Variants in MYBPC1 observed in about 807,000 individuals in gnomAD.
MYBPC1 encodes the protein myosin binding protein C1, also known as myosin-binding protein C, slow-type.
A neutral mutation model predicts 147.1 loss-of-function variants in MYBPC1; 52 were observed. The ratio of observed to expected loss-of-function variants is 0.35; its 90% confidence interval spans 0.28 to 0.45. MYBPC1 has a LOEUF of 0.45. Among genes scored for constraint, MYBPC1 ranks in the 20% least tolerant of loss-of-function variants. The pLI is 1.00. For synonymous variants in MYBPC1, 477 were observed against 475.9 expected (o/e 1.00, Z -0.03); for missense variants, 1,228 against 1,440.3 (o/e 0.85, Z 2.39).
intron 23 of MYBPC1, chr12:101,669,943 A>AG: frequency 2.9e-6 from 1 of 350,816 alleles, no homozygotes; most frequent in Non-Finnish European, 5.4e-6. Context: ...AAAAAAAGAA[A>AG]AAAAAAAAGA....
At chr12:101,686,761 T>C (rs1238538221), downstream of MYBPC1, among the ~76,000 whole-genome samples, 1 of 152,190 alleles carries the variant, frequency 6.6e-6, no homozygotes, top group Non-Finnish European at 1.5e-5. Context: ...TTTCCAGATT[T>C]TAGCTGGGAA....
chr12:101,617,389 G>A, intron 3 of MYBPC1, 146 bp downstream of exon 3: 1 of 792,442 alleles, frequency 1.3e-6, no homozygotes, highest in Non-Finnish European at 2.1e-6. Context: ...GTCCCAATCA[G>A]TATAATGACA....
Position 101,685,641 on chromosome 12 carries a change from T to C in MYBPC1, c.*79T>C, listed in dbSNP as rs1230446643. On this transcript the variant is annotated 3_prime_UTR_variant, in exon 32 of 32. Transcript: ENST00000361466. ...CGTACCTCCAAACATAATTGATTCGTATCTGCGAGACTTACACTCAAGCAA... is the reference window on the plus strand; with the variant it reads ...CGTACCTCCAAACATAATTGATTCGCATCTGCGAGACTTACACTCAAGCAA... 1.3e-6 allele frequency: 2 copies of C among 1,533,992 alleles called. No homozygotes were observed. Among genetic ancestry groups the C allele is most frequent in the East Asian group, 2.4e-5 (1 of 40,882 alleles).
chr12:101,617,242 A>C lies in MYBPC1; in HGVS notation c.102A>C (p.Lys34Asn). Residue 34 changes from lysine (K) to asparagine (N), a missense_variant and splice_region_variant, in exon 3 of 32, where the codon AAA (lysine) becomes AAC (asparagine). This residue lies in a region of MYBPC1 where 151 missense variants were observed against 126.1 expected (regional missense o/e 1.20). Coordinates refer to ENST00000361466, the MANE Select transcript of MYBPC1 (RefSeq NM_002465.4). ...KEKEAGTTPA[K>N]DEEEVSPPSA... Reference sequence around the variant, plus strand: ...AGGAGGCCGGAACTACACCAGCAAAAGGTGAGTTGGAGGGAGGGAGAGTGA... The same window carrying C: ...AGGAGGCCGGAACTACACCAGCAAACGGTGAGTTGGAGGGAGGGAGAGTGA... 1 of 1,613,822 alleles carries C rather than the reference A, an allele frequency of 6.2e-7. No individual in the cohort carries two copies. The highest frequency in any genetic ancestry group is 8.5e-7 in the Non-Finnish European group (1 of 1,179,824).
chr12:101,629,505 T>A lies in MYBPC1; in HGVS notation c.250T>A (p.Leu84Met). Residue 84 changes from leucine to methionine, a missense_variant, in exon 6 of 32, where the codon TTG becomes ATG. Physicochemically the swap from Leu to Met is conservative, Grantham distance 15. Around this residue, in one of 2 missense-constraint regions of MYBPC1, gnomAD observed 151 missense variants for 126.1 expected, o/e 1.20. Coordinates refer to ENST00000361466, the MANE Select transcript of MYBPC1 (RefSeq NM_002465.4). ...GAATGCCAACTCCCAGCTGTCCATC[T>A]TGTTCATTGAAAAACCTCAAGGAGG... ...KQNANSQLSILFIEKPQGGTV... is the reference protein window; with the variant it reads ...KQNANSQLSIMFIEKPQGGTV... 1.2e-6 allele frequency: 2 copies of A among 1,614,004 alleles called. No homozygotes were observed. The highest frequency in any genetic ancestry group is 2.2e-5 in the South Asian group (2 of 91,080).
At chr12:101,676,026 T>C (rs1263785) in intron 26 of MYBPC1, among the ~76,000 whole-genome samples, 47,111 of 152,128 alleles carry the variant, frequency 0.31, 7,900 homozygotes, top group African/African-American at 0.44. Context: ...CAACCCAGGA[T>C]GGCTTTGAAT....
Position 101,662,351 on chromosome 12 carries a change from C to T in MYBPC1, c.2033-7C>T. On this transcript the variant is annotated splice_region_variant and splice_polypyrimidine_tract_variant and intron_variant, in intron 20 of 31. Coordinates refer to ENST00000361466, the MANE Select transcript of MYBPC1 (RefSeq NM_002465.4). ...AAAACCTTAGTTTTCATTTTGCATA[C>T]CTGCAGGATATTTTATTGAGAGGAA... 2 of 1,613,908 alleles carry T rather than the reference C, an allele frequency of 1.2e-6. No homozygotes were observed. Among genetic ancestry groups the T allele is most frequent in the Non-Finnish European group, 1.7e-6 (2 of 1,179,898 alleles).
At chr12:101,677,102 C>T (rs753355324) in intron 26 of MYBPC1, 133 bp from the exon 27 acceptor site, 74 of 798,118 alleles carry the variant, frequency 9.3e-5, no homozygotes, top group Non-Finnish European at 1.5e-4. Context: ...TATTATTACT[C>T]TCCATATAAA....
Position 101,626,888 on chromosome 12 carries a change from C to T in MYBPC1, c.120C>T (p.Ser40=). 6.2e-7 allele frequency: 1 copy of T among 1,612,826 alleles called. No homozygotes were observed. The highest frequency in any genetic ancestry group is 8.5e-7 in the Non-Finnish European group (1 of 1,178,854). The change falls in exon 4 of 32, where the codon TCC becomes TCT. Residue 40 remains serine, a synonymous_variant. Transcript: ENST00000361466. ...TTGTTTCAGATGAAGAGGAAGTCTC[C>T]CCGCCTAGCGCCTTGCCTCCAGGTT... The part of the protein sequence containing the change: ...TTPAKDEEEV[S]PPSALPPGLG...
chr12:101,607,151 A>G (rs1052727117), intron 1 of MYBPC1, among the ~76,000 whole-genome samples: 7 of 152,146 alleles, frequency 4.6e-5, no homozygotes, highest in African/African-American at 1.7e-4. Flanking sequence ...ACAGAATCAA[A>G]CATCTCTAAG....
intron 9 of MYBPC1, 45 bp downstream of exon 9, chr12:101,634,650 A>C (rs967144501): frequency 4.8e-6 from 7 of 1,461,166 alleles, no homozygotes; most frequent in Non-Finnish European, 6.7e-6. Flanking sequence ...ATAACACAGA[A>C]GTGGAGGATT....
At chr12:101,649,923 G>A (rs941075994) in intron 15 of MYBPC1, among the ~76,000 whole-genome samples, 2 of 152,174 alleles carry the variant, frequency 1.3e-5, no homozygotes, top group African/African-American at 2.4e-5. Flanking sequence ...GTTAGCAATG[G>A]CAGAATCTCT....
At position 101,664,352 on chromosome 12, in the gene MYBPC1, GCTCTGGA is replaced by G. The variant is rs1225760323; in HGVS notation, c.2356+795_2356+801del. On this transcript the variant is annotated intron_variant, in intron 22 of 31. Transcript: ENST00000361466. ...TAGAAAGGGATGACATTTGAAAATG[GCTCTGGA>G]CTTGGGTTCCATTCTAGATGCTGGT... The G allele has an allele frequency of 2.6e-5, 4 of 152,250 alleles. No individual in the cohort carries two copies. The South Asian group carries it at 6.2e-4, about 24-fold the overall frequency. 9.4% of individuals were successfully genotyped at this position (152,250 alleles called of 1,614,324 possible).
intron 23 of MYBPC1, among the ~76,000 whole-genome samples, chr12:101,669,603 T>C (rs1291716872): frequency 2.0e-5 from 3 of 152,158 alleles, no homozygotes; most frequent in Admixed American, 6.5e-5. Context: ...TATAGATCTT[T>C]CGTGGAATGT....
chr12:101,624,413 G>C (rs1370031706), intron 3 of MYBPC1, among the ~76,000 whole-genome samples: 1 of 151,998 alleles, frequency 6.6e-6, no homozygotes, highest in Non-Finnish European at 1.5e-5. Context: ...TAACATTCCT[G>C]GGCATGTATT....
chr12:101,627,025 A>G (rs2135992558), intron 4 of MYBPC1, 115 bp downstream of exon 4: 1 of 971,478 alleles, frequency 1.0e-6, no homozygotes, highest in East Asian at 2.4e-5. Context: ...CAGGGGCAAC[A>G]GTTTTCGCCT....
chr12:101,610,365 G>A (rs185089780), intron 1 of MYBPC1, among the ~76,000 whole-genome samples: 2 of 152,130 alleles, frequency 1.3e-5, no homozygotes, highest in African/African-American at 2.4e-5. Context: ...TACAGTAGGG[G>A]TATGAGGGAC....
chr12:101,625,060 T>A (rs1209795810), intron 3 of MYBPC1, among the ~76,000 whole-genome samples: 2 of 152,128 alleles, frequency 1.3e-5, no homozygotes, highest in Non-Finnish European at 2.9e-5. Flanking sequence ...AAACTGGTTA[T>A]GACTTGATCC....
chr12:101,646,721 C>T (rs1003943349), intron 12 of MYBPC1, 42 bp from the exon 13 acceptor site: 1 of 1,606,532 alleles, frequency 6.2e-7, no homozygotes, highest in Non-Finnish European at 8.5e-7. Context: ...AGAATAAAAT[C>T]ACATTCACAG....
Sources: gnomAD v4.1 joint callset for allele counts (sites outside exome capture counted in the v4.1 genomes callset) on GRCh38, gnomAD v4.1.1 for gene constraint, gnomAD v4.1.1 regional missense constraint, MANE v1.5 for transcripts, NCBI Gene and HGNC (gene_info 2026-07-23, HGNC 2026-07-21) for gene names.